The following ROS1 variants were observed in gnomAD, a reference collection of about 807,000 sequenced individuals.
The protein encoded by ROS1 is proto-oncogene tyrosine-protein kinase ROS.
ROS1 carries 263 observed loss-of-function variants against 273.5 expected under a neutral mutation model. That is an observed-to-expected ratio of 0.96 (90% confidence interval 0.87 to 1.06). The LOEUF (loss-of-function observed/expected upper bound fraction) is 1.06. Ranked by LOEUF, ROS1 falls within the 50% of genes least tolerant of loss-of-function variation. The pLI, the probability that ROS1 is intolerant of heterozygous loss-of-function variation, is 0.00. For missense variants in ROS1, 2,833 were observed against 2,751.1 expected, an observed-to-expected ratio of 1.03 and a Z score of -0.67; for synonymous variants, 1,008 against 954.1, an observed-to-expected ratio of 1.06 and a Z score of -1.04.
At chr6:117,393,842 G>C (rs1053491977) in intron 11 of ROS1, among the ~76,000 whole-genome samples, 1 of 152,108 alleles carries the variant, frequency 6.6e-6, no homozygotes, top group Non-Finnish European at 1.5e-5. Flanking sequence ...AGCTAACTTT[G>C]ATCATGACTG....
At chr6:117,298,912 G>A (rs888203523) in intron 43 of ROS1, among the ~76,000 whole-genome samples, 14 of 152,088 alleles carry the variant, frequency 9.2e-5, no homozygotes, top group African/African-American at 3.4e-4. Flanking sequence ...TTAAGTAAAT[G>A]CTTAGAAAAT....
chr6:117,308,558 A>T (rs1412190280), intron 42 of ROS1, among the ~76,000 whole-genome samples: 1 of 152,098 alleles, frequency 6.6e-6, no homozygotes, highest in Non-Finnish European at 1.5e-5. Flanking sequence ...CTTAACCAGA[A>T]GTATTTTACT....
chr6:117,302,901 G>C (rs1371983314), intron 42 of ROS1, among the ~76,000 whole-genome samples: 1 of 152,116 alleles, frequency 6.6e-6, no homozygotes, highest in African/African-American at 2.4e-5. Context: ...CTACAGAGGA[G>C]GTTTCCAAAC....
intron 3 of ROS1, 140 bp from the exon 4 acceptor site, chr6:117,414,685 G>A (rs996295274): frequency 1.8e-5 from 10 of 558,534 alleles, no homozygotes; most frequent in African/African-American, 1.6e-4. Flanking sequence ...AAACAAGGGA[G>A]CCCAGAGCAG....
chr6:117,379,304 A>G, intron 17 of ROS1, 145 bp from the exon 18 acceptor site: 1 of 594,828 alleles, frequency 1.7e-6, no homozygotes, highest in Non-Finnish European at 3.0e-6. Context: ...TTCTGACTAT[A>G]AAACTTATAT....
intron 18 of ROS1, among the ~76,000 whole-genome samples, chr6:117,374,980 C>CA (rs1160869526): frequency 6.6e-6 from 1 of 152,032 alleles, no homozygotes; most frequent in East Asian, 1.9e-4. Flanking sequence ...AGTCATTATA[C>CA]AAAAAAGATA....
At chr6:117,373,440 G>C (rs947688803) in intron 18 of ROS1, among the ~76,000 whole-genome samples, 1 of 152,250 alleles carries the variant, frequency 6.6e-6, no homozygotes, top group East Asian at 1.9e-4. Context: ...GCAGGGAGGC[G>C]CTGAGGCCCG....
chr6:117,414,195 C>T (rs956551207), intron 4 of ROS1, among the ~76,000 whole-genome samples: 4 of 152,084 alleles, frequency 2.6e-5, no homozygotes, highest in Non-Finnish European at 5.9e-5. Context: ...CCTCCATTAC[C>T]CCAACTCCAA....
intron 12 of ROS1, among the ~76,000 whole-genome samples, chr6:117,390,360 C>CAAGT (rs1562353738): frequency 6.6e-6 from 1 of 152,040 alleles, no homozygotes; most frequent in East Asian, 1.9e-4. Context: ...CTCCTGGGCT[C>CAAGT]AAGTGATCTG....
rs777717357 is a variant in ROS1 at position 117,403,146 on chromosome 6, AG to A, written c.596del (p.Pro199LeufsTer10). On this transcript the variant is annotated frameshift_variant, in exon 7 of 44. Transcript: ENST00000368507. LOFTEE classifies it high-confidence loss of function. ...AATGTGTGCACACCATACCTCCATG[AG>A]GATGAGTCCTGTAACTGGGACTTGG... ...SPPSPSYRTH[P>X]HGVPETAPLI... 3 of 1,613,846 alleles carry A rather than the reference AG, an allele frequency of 1.9e-6. No homozygotes were observed. Among genetic ancestry groups the A allele is most frequent in the South Asian group, 1.1e-5 (1 of 91,002 alleles).
intron 1 of ROS1, among the ~76,000 whole-genome samples, chr6:117,423,498 A>C (rs1775909607): frequency 6.6e-6 from 1 of 152,204 alleles, no homozygotes; most frequent in African/African-American, 2.4e-5. Context: ...GAAGAGCATT[A>C]ATTGTTTGTT....
chr6:117,295,637 C>T (rs765160029), intron 43 of ROS1, among the ~76,000 whole-genome samples: 18 of 151,904 alleles, frequency 1.2e-4, no homozygotes, highest in Non-Finnish European at 1.5e-4. Context: ...TCAAATAACT[C>T]GATAGGAAAA....
rs754020828 is a variant in ROS1, at chr6:117,341,188, A to G, written c.5008T>C (p.Trp1670Arg). 3.7e-6 allele frequency: 6 copies of G among 1,613,430 alleles called. 1 individual carries two copies. In the South Asian group the frequency reaches 6.6e-5, roughly 18 times the overall value. The change falls in exon 31 of 44, where the codon TGG becomes CGG. Residue 1670 changes from tryptophan to arginine, a missense_variant. Trp to Arg is a moderately radical substitution (Grantham distance 101). Coordinates refer to ENST00000368507, the MANE Select transcript of ROS1 (RefSeq NM_001378902.1). ...AGGTTAACATTCAATGGAGCCTTCCAATTAAATTGCAAACTAGTGTTCTCT... is the reference window on the plus strand; with the variant it reads ...AGGTTAACATTCAATGGAGCCTTCCGATTAAATTGCAAACTAGTGTTCTCT... Reference protein sequence around the residue: ...VPENTSLQFNWKAPLNVNLIR... With the variant: ...VPENTSLQFNRKAPLNVNLIR...
intron 31 of ROS1, among the ~76,000 whole-genome samples, chr6:117,339,148 G>A (rs754676954): frequency 6.6e-6 from 1 of 152,116 alleles, no homozygotes; most frequent in African/African-American, 2.4e-5. Flanking sequence ...GGCCCAGGAC[G>A]ACTTTGAATG....
chr6:117,319,757 A>G lies in ROS1; in HGVS notation c.5922+111T>C, dbSNP rs140744263. On this transcript the variant is annotated intron_variant, in intron 37 of 43. Coordinates refer to ENST00000368507, the MANE Select transcript of ROS1 (RefSeq NM_001378902.1). ...AGCTATGGATAGGCTTCGACATTCA[A>G]CCAGTCCTCTTTTCAACAAAGAGCA... 189 of 941,206 alleles carry G rather than the reference A, an allele frequency of 2.0e-4. No homozygotes were observed. The African/African-American group carries it at 2.9e-3, about 15-fold the overall frequency. 58.3% of individuals were successfully genotyped at this position (941,206 alleles called of 1,614,324 possible).
chr6:117,366,988 T>C (rs1399758421), intron 18 of ROS1, among the ~76,000 whole-genome samples: 1 of 152,200 alleles, frequency 6.6e-6, no homozygotes, highest in Non-Finnish European at 1.5e-5. Context: ...CTCCTACAAC[T>C]CTTGCATTAG....
At chr6:117,356,392 T>C (rs1277814862) in intron 26 of ROS1, among the ~76,000 whole-genome samples, 2 of 152,232 alleles carry the variant, frequency 1.3e-5, no homozygotes, top group Admixed American at 1.3e-4. Flanking sequence ...GCTCATTAAA[T>C]TGTAGCTCTA....
At chr6:117,393,133 TG>T in intron 12 of ROS1, 90 bp downstream of exon 12, 1 of 799,806 alleles carries the variant, frequency 1.3e-6, no homozygotes, top group Non-Finnish European at 2.2e-6. Flanking sequence ...TAGGCTCATC[TG>T]GTACTACAAT....
chr6:117,396,650 C>T (rs1305644035), intron 8 of ROS1, among the ~76,000 whole-genome samples: 1 of 152,174 alleles, frequency 6.6e-6, no homozygotes, highest in Non-Finnish European at 1.5e-5. Flanking sequence ...ATTTGACATT[C>T]ATGGTGTTTA....
Sources: allele counts gnomAD v4.1 joint callset (sites outside exome capture counted in the v4.1 genomes callset), GRCh38; gene constraint gnomAD v4.1.1; transcripts MANE v1.5; gene names NCBI Gene and HGNC (gene_info 2026-07-23, HGNC 2026-07-21).